The following TRAF3IP1 variants were observed in gnomAD, a reference collection of about 807,000 sequenced individuals.
TRAF3IP1 encodes the protein TRAF3-interacting protein 1.
In TRAF3IP1, 53 loss-of-function variants were observed where a neutral mutation model predicts 89.9. The ratio of observed to expected loss-of-function variants is 0.59; its 90% CI spans 0.47 to 0.74. TRAF3IP1 has a LOEUF of 0.74. TRAF3IP1 is among the 30% of genes least tolerant of loss of function. The pLI, the probability that TRAF3IP1 is intolerant of heterozygous loss-of-function variation, is 0.00. For synonymous variants in TRAF3IP1, 311 were observed against 322.1 expected, an observed-to-expected ratio of 0.97 and a Z score of 0.37; for missense variants, 806 against 866.1, an observed-to-expected ratio of 0.93 and a Z score of 0.87.
intron 15 of TRAF3IP1, among the ~76,000 whole-genome samples, chr2:238,371,278 G>A (rs1478827970): frequency 1.3e-5 from 2 of 151,836 alleles, no homozygotes; most frequent in African/African-American, 4.8e-5. Flanking sequence ...TGTTTTTTTC[G>A]GTTTGTTTTT....
At chr2:238,398,591 C>T (rs1242436854) in intron 16 of TRAF3IP1, among the ~76,000 whole-genome samples, 163 bp from the exon 17 acceptor site, 1 of 152,042 alleles carries the variant, frequency 6.6e-6, no homozygotes, top group African/African-American at 2.4e-5. Flanking sequence ...TGTTTGACTT[C>T]ACTTTTGGTT....
At chr2:238,357,577 G>T (rs1205079197) in intron 15 of TRAF3IP1, among the ~76,000 whole-genome samples, 2 of 152,214 alleles carry the variant, frequency 1.3e-5, no homozygotes, top group African/African-American at 4.8e-5. Context: ...AATAACTGGA[G>T]AATGTTGTCG....
At chr2:238,360,941 C>G (rs1699630262) in intron 15 of TRAF3IP1, among the ~76,000 whole-genome samples, 1 of 152,088 alleles carries the variant, frequency 6.6e-6, no homozygotes, top group Non-Finnish European at 1.5e-5. Context: ...TGTTGAATAT[C>G]TGTCCTATGG....
At chr2:238,333,388 G>A (rs1309709471) in intron 6 of TRAF3IP1, among the ~76,000 whole-genome samples, 6 of 152,140 alleles carry the variant, frequency 3.9e-5, no homozygotes, top group Non-Finnish European at 8.8e-5. Flanking sequence ...CAAGCAGTAG[G>A]GGCCACTGAG....
At chr2:238,348,723 G>T (rs200870394) in intron 10 of TRAF3IP1, 41 bp from the exon 11 acceptor site, 1 of 1,543,900 alleles carries the variant, frequency 6.5e-7, no homozygotes, top group Non-Finnish European at 9.0e-7. Flanking sequence ...ATCTATGTGT[G>T]TTTTCCTTTG....
At chr2:238,370,461 A>G (rs1175840946) in intron 15 of TRAF3IP1, among the ~76,000 whole-genome samples, 2 of 151,984 alleles carry the variant, frequency 1.3e-5, no homozygotes, top group African/African-American at 4.8e-5. Flanking sequence ...ATGTGTGTGT[A>G]CATGTGTGTG....
At chr2:238,365,855 C>G (rs557843455) in intron 15 of TRAF3IP1, among the ~76,000 whole-genome samples, 4 of 152,076 alleles carry the variant, frequency 2.6e-5, no homozygotes, top group African/African-American at 9.6e-5. Context: ...GTTTTATGTT[C>G]CCAAGTAAAA....
intron 1 of TRAF3IP1, among the ~76,000 whole-genome samples, chr2:238,322,336 T>G (rs1697591865): frequency 6.6e-6 from 1 of 152,122 alleles, no homozygotes; most frequent in Non-Finnish European, 1.5e-5. Flanking sequence ...GGCGCTCAGC[T>G]CACGGTGGCT....
At chr2:238,332,679 C>T (rs1698186017) in intron 5 of TRAF3IP1, 145 bp from the exon 6 acceptor site, 4 of 620,346 alleles carry the variant, frequency 6.4e-6, no homozygotes, top group Admixed American at 3.0e-5. Context: ...ACAATTGTGG[C>T]GATCAGAGCT....
chr2:238,338,978 T>C (rs1698510361), intron 8 of TRAF3IP1, among the ~76,000 whole-genome samples: 1 of 152,332 alleles, frequency 6.6e-6, no homozygotes, highest in South Asian at 2.1e-4. Context: ...GTAACCACTG[T>C]CATCTGTGAC....
intron 8 of TRAF3IP1, among the ~76,000 whole-genome samples, chr2:238,341,545 TTA>T (rs1698656557): frequency 6.8e-6 from 1 of 146,202 alleles, no homozygotes. Context: ...TTTTTTTTTT[TTA>T]AAAAAAAAAC....
At chr2:238,356,777 ATTTTTTTT>A (rs1332058374) in intron 15 of TRAF3IP1, among the ~76,000 whole-genome samples, 2 of 135,778 alleles carry the variant, frequency 1.5e-5, no homozygotes, top group African/African-American at 5.5e-5. Context: ...GAGACTGGGA[ATTTTTTTT>A]TTTTTTTTTT....
chr2:238,356,224 T>C, intron 15 of TRAF3IP1, 144 bp downstream of exon 15: 1 of 764,018 alleles, frequency 1.3e-6, no homozygotes, highest in South Asian at 1.7e-5. Context: ...TGGCCAGGCA[T>C]GGTGGCTCAC....
chr2:238,344,853 G>A (rs1698820285), intron 9 of TRAF3IP1: 2 of 619,086 alleles, frequency 3.2e-6, no homozygotes, highest in Non-Finnish European at 6.0e-6. Context: ...TCATCACTTG[G>A]GGGGTGTCAT....
intron 15 of TRAF3IP1, among the ~76,000 whole-genome samples, chr2:238,376,334 G>A (rs1310366967): frequency 2.6e-5 from 4 of 152,100 alleles, no homozygotes; most frequent in Non-Finnish European, 1.5e-5. Context: ...GTGGTGGGCC[G>A]GTCCACAGGC....
rs868257258 is a variant in TRAF3IP1, at chr2:238,324,804, A to G, written c.124-502A>G. On this transcript the variant is annotated intron_variant, in intron 1 of 16. Coordinates refer to ENST00000373327, the MANE Select transcript of TRAF3IP1 (RefSeq NM_015650.4). The stretch of plus-strand genomic sequence containing the variant: ...TTTTTAGTGGAGACAGGGTTTCACC[A>G]TGTTGGCCAGGATGGTCTCGATCTT... Among the ~76,000 whole-genome samples, 8 of 151,638 alleles carry G rather than the reference A, an allele frequency of 5.3e-5. No individual in the cohort carries two copies. The East Asian group carries it at 1.6e-3, about 30-fold the overall frequency.
chr2:238,390,555 AC>A (rs1700951894), intron 15 of TRAF3IP1, among the ~76,000 whole-genome samples: 2 of 152,296 alleles, frequency 1.3e-5, no homozygotes, highest in South Asian at 4.1e-4. Context: ...CAACAAGTTG[AC>A]AGGAGGTAAA....
chr2:238,359,136 G>A (rs1360307568), intron 15 of TRAF3IP1, among the ~76,000 whole-genome samples: 1 of 152,206 alleles, frequency 6.6e-6, no homozygotes, highest in African/African-American at 2.4e-5. Flanking sequence ...TGGGGGTTAT[G>A]CCCAGGCTTA....
chr2:238,340,927 A>G (rs1698623117), intron 8 of TRAF3IP1, among the ~76,000 whole-genome samples: 1 of 151,960 alleles, frequency 6.6e-6, no homozygotes, highest in Non-Finnish European at 1.5e-5. Context: ...GCATGATCTC[A>G]GCTCACTGCA....
Sources: allele counts gnomAD v4.1 joint callset (sites outside exome capture counted in the v4.1 genomes callset), GRCh38; gene constraint gnomAD v4.1.1; transcripts MANE v1.5; gene names NCBI Gene and HGNC (gene_info 2026-07-23, HGNC 2026-07-21).